CUX2: variants seen among roughly 807,000 people sequenced by gnomAD.
The protein encoded by CUX2 is cut like homeobox 2, also known as homeobox protein cut-like 2.
Under a neutral mutation model 144.8 loss-of-function variants are expected in CUX2, and 40 were observed. That is an observed-to-expected ratio of 0.28 (90% CI 0.21 to 0.36). The LOEUF (loss-of-function observed/expected upper bound fraction) is 0.36. Among genes scored for constraint, CUX2 ranks in the 10% least tolerant of loss-of-function variants. CUX2 has a pLI of 1.00. For synonymous variants in CUX2, 827 were observed against 875.6 expected (o/e 0.94, Z 0.98); for missense variants, 1,615 against 1,994.0 (o/e 0.81, Z 3.62).
chr12:111,095,198 C>T (rs1434614287), intron 1 of CUX2, among the ~76,000 whole-genome samples: 1 of 152,158 alleles, frequency 6.6e-6, no homozygotes, highest in Non-Finnish European at 1.5e-5. Context: ...GTGGCTCATG[C>T]CTGTAATCCT....
chr12:111,228,351 TC>T (rs1882285155), intron 3 of CUX2, among the ~76,000 whole-genome samples: 1 of 152,034 alleles, frequency 6.6e-6, no homozygotes, highest in Non-Finnish European at 1.5e-5. Context: ...ACCATGCAAG[TC>T]CCCCTGCATA....
At position 111,296,480 on chromosome 12, in the gene CUX2, G is replaced by A; in HGVS notation, c.645G>A (p.Lys215=). ...EKIKVLHSAL[K]ATQAELLELR... ...GCCTCTGCTTTCTCCCAGCGCTAAA[G>A]GCTACGCAGGCAGAGCTGCTAGAGC... The change falls in exon 8 of 22, where the codon AAG becomes AAA. Residue 215 remains lysine, a synonymous_variant. Coordinates refer to ENST00000261726, the MANE Select transcript of CUX2 (RefSeq NM_015267.4). The A allele has an allele frequency of 1.2e-6, 2 of 1,608,544 alleles. No homozygotes were observed. The highest frequency in any genetic ancestry group is 1.7e-6 in the Non-Finnish European group (2 of 1,177,316).
rs116462643 is a variant in CUX2, at chr12:111,295,273, G to C, written c.561-60G>C. 2 of 1,541,638 alleles carry C rather than the reference G, an allele frequency of 1.3e-6. No individual in the cohort carries two copies. The highest frequency in any genetic ancestry group is 1.8e-6 in the Non-Finnish European group (2 of 1,130,448). On this transcript the variant is annotated intron_variant, in intron 6 of 21. Coordinates refer to ENST00000261726, the MANE Select transcript of CUX2 (RefSeq NM_015267.4). This position sits in a 1 kb window ranked among gnomAD's most constrained non-coding sequence, Gnocchi z 5.0. ...TAGGAAGCAAGATGGGGCTCGACTCGGGGGCCCCAGGCAAGGCCTGTCCCT... is the reference window on the plus strand; with the variant it reads ...TAGGAAGCAAGATGGGGCTCGACTCCGGGGCCCCAGGCAAGGCCTGTCCCT...
rs1021975089 is a variant in CUX2 at position 111,186,364 on chromosome 12, C to T, written c.64-27836C>T. ...TCAGGGGTGGACACTCCATGGGGGA[C>T]GCAGGTGCTGAGAAAGTGGCATGAG... is the stretch of plus-strand genomic sequence containing the variant. On this transcript the variant is annotated intron_variant, in intron 1 of 21. Coordinates refer to ENST00000261726, the MANE Select transcript of CUX2 (RefSeq NM_015267.4). The surrounding 1 kb of genome is among the most constrained non-coding windows in gnomAD (Gnocchi z 4.4). Among the ~76,000 whole-genome samples, 1 of 152,150 alleles carries T rather than the reference C, an allele frequency of 6.6e-6. No homozygotes were observed. Among genetic ancestry groups the T allele is most frequent in the East Asian group, 1.9e-4 (1 of 5,194 alleles).
At chr12:111,050,405 A>G (rs1870208537) in intron 1 of CUX2, among the ~76,000 whole-genome samples, 1 of 152,092 alleles carries the variant, frequency 6.6e-6, no homozygotes, top group African/African-American at 2.4e-5. Flanking sequence ...TCTCTGTACA[A>G]TAGCCTTCTT....
intron 1 of CUX2, among the ~76,000 whole-genome samples, chr12:111,116,695 A>T (rs887247198): frequency 6.6e-6 from 1 of 152,082 alleles, no homozygotes; most frequent in Non-Finnish European, 1.5e-5. Context: ...GAGATAGTTT[A>T]CTCTGAATTG....
At chr12:111,208,220 G>A (rs754650541) in intron 1 of CUX2, among the ~76,000 whole-genome samples, 57 of 152,040 alleles carry the variant, frequency 3.7e-4, no homozygotes, top group Middle Eastern at 6.3e-3. Context: ...CACTTTTTAG[G>A]TTTCTTCTCG....
chr12:111,225,825 C>T (rs1444292418), intron 3 of CUX2, among the ~76,000 whole-genome samples: 3 of 152,216 alleles, frequency 2.0e-5, no homozygotes, highest in Non-Finnish European at 4.4e-5. Flanking sequence ...GTGATTCGAG[C>T]CCAAGTCTGT....
chr12:111,126,172 A>G (rs1006929394), intron 1 of CUX2, among the ~76,000 whole-genome samples: 1 of 151,066 alleles, frequency 6.6e-6, no homozygotes, highest in Non-Finnish European at 1.5e-5. Flanking sequence ...GCGGGGACAT[A>G]ATCTTGGCTC....
chr12:111,225,174 G>A (rs1882069629), intron 3 of CUX2, among the ~76,000 whole-genome samples: 3 of 152,190 alleles, frequency 2.0e-5, no homozygotes, highest in African/African-American at 4.8e-5. Context: ...AGTGATGGGA[G>A]TCCTCAATGA....
At chr12:111,168,022 A>G (rs988480585) in intron 1 of CUX2, among the ~76,000 whole-genome samples, 1 of 152,112 alleles carries the variant, frequency 6.6e-6, no homozygotes, top group African/African-American at 2.4e-5. Flanking sequence ...CATTTTACAG[A>G]GGAGGAAACT....
Position 111,061,143 on chromosome 12 carries a change from AG to A in CUX2, c.63+26905del, listed in dbSNP as rs1870753190. Among the ~76,000 whole-genome samples, 1 of 151,184 alleles carries A rather than the reference AG, an allele frequency of 6.6e-6. No individual in the cohort carries two copies. Among genetic ancestry groups the A allele is most frequent in the Admixed American group, 6.6e-5 (1 of 15,190 alleles). ...CAGCCGCTGATCAGTGAGTCTCTGCAGGCCCAAGCTGTCCCCAGATGTGTGC... is the reference window on the plus strand; with the variant it reads ...CAGCCGCTGATCAGTGAGTCTCTGCAGCCCAAGCTGTCCCCAGATGTGTGC... On this transcript the variant is annotated intron_variant, in intron 1 of 21. Transcript: ENST00000261726. The surrounding 1 kb of genome is among the most constrained non-coding windows in gnomAD (Gnocchi z 4.2).
At chr12:111,211,953 G>A (rs897028264) in intron 1 of CUX2, among the ~76,000 whole-genome samples, 16 of 151,890 alleles carry the variant, frequency 1.1e-4, no homozygotes, top group Admixed American at 3.3e-4. Context: ...CCATGTCCCA[G>A]TTCTGTTTGT....
In CUX2 at chr12:111,277,699, C is replaced by T. The variant is rs1884943280; in HGVS notation, c.302-13719C>T. Among the ~76,000 whole-genome samples, 1 of 152,170 alleles carries T rather than the reference C, an allele frequency of 6.6e-6. No individual in the cohort carries two copies. Among genetic ancestry groups the T allele is most frequent in the Non-Finnish European group, 1.5e-5 (1 of 68,038 alleles). On this transcript the variant is annotated intron_variant, in intron 4 of 21. Transcript: ENST00000261726. This position sits in a 1 kb window ranked among gnomAD's most constrained non-coding sequence, Gnocchi z 5.0. ...ACGGCCCAGAGCTTTCCCTGACACA[C>T]AGCAGGCACTCGGGAAATATTTGGC...
intron 1 of CUX2, among the ~76,000 whole-genome samples, chr12:111,124,178 G>T (rs971529677): frequency 6.6e-6 from 1 of 152,162 alleles, no homozygotes; most frequent in Non-Finnish European, 1.5e-5. Context: ...CTCTCTGAAG[G>T]TTCCTTGAAA....
chr12:111,107,326 G>GT (rs557027380), intron 1 of CUX2, among the ~76,000 whole-genome samples: 86 of 152,380 alleles, frequency 5.6e-4, no homozygotes, highest in African/African-American at 1.6e-3. Flanking sequence ...TTGAGCCCAT[G>GT]TAAGTTTCTC....
At chr12:111,085,543 C>T (rs569130685) in intron 1 of CUX2, among the ~76,000 whole-genome samples, 2 of 152,314 alleles carry the variant, frequency 1.3e-5, no homozygotes, top group South Asian at 2.1e-4. Flanking sequence ...TCTGTAAATA[C>T]TTTTGGTCTC....
intron 1 of CUX2, among the ~76,000 whole-genome samples, chr12:111,201,962 G>A (rs1358054382): frequency 6.6e-6 from 1 of 152,162 alleles, no homozygotes; most frequent in Non-Finnish European, 1.5e-5. Context: ...AGCTGCAAAA[G>A]GAATTATTAG....
Position 111,328,580 on chromosome 12 carries a change from T to TTGTGTGTGTGTGTG in CUX2, c.2927-5834_2927-5821dup, listed in dbSNP as rs568983449. Among the ~76,000 whole-genome samples, 251 of 135,844 alleles carry TTGTGTGTGTGTGTG rather than the reference T, an allele frequency of 1.8e-3. 1 individual carries two copies. Among genetic ancestry groups the TTGTGTGTGTGTGTG allele is most frequent in the Middle Eastern group, 3.6e-3 (1 of 278 alleles). The allele number at this position is 135,844 out of a possible 152,430, so 89.1% of individuals were successfully genotyped here. ...CTCTGTCTCTCTCCTCCAATTTCTT[T>TTGTGTGTGTGTGTG]TGTGTGTGTGTGTGTGTGTGTGTGT... On this transcript the variant is annotated intron_variant, in intron 18 of 21. Transcript: ENST00000261726.
Sources: allele counts gnomAD v4.1 joint callset (sites outside exome capture counted in the v4.1 genomes callset), GRCh38; gene constraint gnomAD v4.1.1; non-coding constraint Gnocchi (gnomAD v3.1); transcripts MANE v1.5; gene names NCBI Gene and HGNC (gene_info 2026-07-23, HGNC 2026-07-21).